Variants in COMMD10 observed in about 807,000 individuals in gnomAD.
COMMD10 encodes COMM domain containing 10.
A neutral mutation model predicts 28.9 loss-of-function variants in COMMD10; 33 were observed. The observed-to-expected ratio is 1.14, with a 90% confidence interval of 0.87 to 1.53. The LOEUF (loss-of-function observed/expected upper bound fraction) is 1.53, where lower values mean the gene tolerates loss of function less well. Among genes scored for constraint, COMMD10 ranks in the 40% most tolerant of loss-of-function variants. The probability of loss-of-function intolerance (pLI) is 0.00; values close to 1 mark genes in which losing one functional copy is unlikely to be tolerated. For missense variants in COMMD10, 310 were observed against 233.4 expected, an observed-to-expected ratio of 1.33 and a Z score of -2.14; for synonymous variants, 110 against 81.7, an observed-to-expected ratio of 1.35 and a Z score of -1.87.
In COMMD10 at chr5:116,122,963, C is replaced by T. The variant is rs535372844; in HGVS notation, c.400-11105C>T. On this transcript the variant is annotated intron_variant, in intron 4 of 6. Coordinates refer to ENST00000274458, the MANE Select transcript of COMMD10 (RefSeq NM_016144.4). ...CTTCCTCTTTTCCTAACTGAATACC[C>T]TTTATTTCTTTCTCTTGCCTGCTTG... 3.3e-5 allele frequency among the ~76,000 whole-genome samples: 5 copies of T among 152,078 alleles called. No homozygotes were observed. The South Asian group carries it at 1.0e-3, about 32-fold the overall frequency.
chr5:116,202,753 T>A (rs1453633243), intron 5 of COMMD10, among the ~76,000 whole-genome samples: 2 of 151,190 alleles, frequency 1.3e-5, no homozygotes, highest in East Asian at 3.9e-4. Context: ...TTCTTGTAAA[T>A]TTGTTTGAGT....
intron 4 of COMMD10, among the ~76,000 whole-genome samples, chr5:116,118,210 T>C (rs79956177): frequency 0.054 from 8,205 of 152,298 alleles, 315 homozygotes; most frequent in African/African-American, 0.11. Flanking sequence ...TCCCTGATAG[T>C]GCCACCTCCT....
chr5:116,167,672 A>G (rs1194419160), intron 5 of COMMD10, among the ~76,000 whole-genome samples: 4 of 152,180 alleles, frequency 2.6e-5, no homozygotes. Flanking sequence ...AGTGGGGGCC[A>G]ATATTCAACA....
chr5:116,190,277 T>A (rs1748318173), intron 5 of COMMD10, among the ~76,000 whole-genome samples: 1 of 152,156 alleles, frequency 6.6e-6, no homozygotes, highest in Middle Eastern at 3.2e-3. Context: ...TATGAAACTT[T>A]TATAATTAGG....
At position 116,102,811 on chromosome 5, in the gene COMMD10, C is replaced by T. The variant is rs1484599899; in HGVS notation, c.399+10111C>T. Among the ~76,000 whole-genome samples the T allele has an allele frequency of 3.3e-5, 5 of 152,110 alleles. No homozygotes were observed. In the East Asian group the frequency reaches 5.8e-4, roughly 18 times the overall value. On this transcript the variant is annotated intron_variant, in intron 4 of 6. Transcript: ENST00000274458. ...AGGTATTTCTCCTAATGCTATCCCTCCACCAGCCCCCCACACCCTGACAGG... is the reference window on the plus strand; with the variant it reads ...AGGTATTTCTCCTAATGCTATCCCTTCACCAGCCCCCCACACCCTGACAGG...
At chr5:116,150,316 C>G (rs1431290825) in intron 5 of COMMD10, among the ~76,000 whole-genome samples, 1 of 152,044 alleles carries the variant, frequency 6.6e-6, no homozygotes, top group Non-Finnish European at 1.5e-5. Flanking sequence ...TTTCTTTTTG[C>G]TTAGGATTGA....
At chr5:116,115,887 T>C (rs1297061917) in intron 4 of COMMD10, among the ~76,000 whole-genome samples, 2 of 152,208 alleles carry the variant, frequency 1.3e-5, no homozygotes, top group Non-Finnish European at 2.9e-5. Flanking sequence ...CTGAGTATCT[T>C]GCTCTTTAAA....
intron 4 of COMMD10, among the ~76,000 whole-genome samples, chr5:116,116,869 G>A (rs942008588): frequency 2.6e-5 from 4 of 152,040 alleles, no homozygotes; most frequent in Non-Finnish European, 4.4e-5. Flanking sequence ...TAATTTAATT[G>A]TTCAGTCTGA....
chr5:116,195,767 G>T (rs372018474), intron 5 of COMMD10, among the ~76,000 whole-genome samples: 1 of 152,032 alleles, frequency 6.6e-6, no homozygotes, highest in Non-Finnish European at 1.5e-5. Flanking sequence ...CAAAAAGTGG[G>T]CTAAAGACAT....
chr5:116,098,916 CA>C (rs1456161469), intron 4 of COMMD10, among the ~76,000 whole-genome samples: 2 of 152,140 alleles, frequency 1.3e-5, no homozygotes, highest in Admixed American at 1.3e-4. Flanking sequence ...TTACCATAAT[CA>C]AATTAATCAA....
intron 5 of COMMD10, among the ~76,000 whole-genome samples, chr5:116,288,164 A>G (rs1029221670): frequency 1.1e-4 from 17 of 151,790 alleles, no homozygotes; most frequent in Admixed American, 5.9e-4. Context: ...GAAAATGTTA[A>G]TTTCTTCTTC....
intron 4 of COMMD10, among the ~76,000 whole-genome samples, chr5:116,093,129 A>G (rs967673434): frequency 1.3e-4 from 20 of 152,226 alleles, no homozygotes; most frequent in African/African-American, 4.6e-4. Context: ...TAGATTTTAC[A>G]GTAGTGCAAA....
intron 5 of COMMD10, among the ~76,000 whole-genome samples, chr5:116,240,881 G>T (rs1488528172): frequency 6.6e-6 from 1 of 152,126 alleles, no homozygotes; most frequent in Non-Finnish European, 1.5e-5. Flanking sequence ...TAAACTGCTG[G>T]CTCCTCAAAA....
At chr5:116,290,757 A>C (rs1393419430) in intron 5 of COMMD10, among the ~76,000 whole-genome samples, 1 of 149,792 alleles carries the variant, frequency 6.7e-6, no homozygotes, top group Non-Finnish European at 1.5e-5. Context: ...GACCTTGAGT[A>C]AAATAAACAC....
rs1648872497 is a variant in COMMD10, at chr5:116,287,148, A to G, written c.511-4369A>G. The stretch of plus-strand genomic sequence containing the variant: ...ATTTTGTTCAGTGTCCTTTTATCAT[A>G]ATGTTGAGGGAAAAAATGGCTTTGT... On this transcript the variant is annotated intron_variant, in intron 5 of 6. Transcript: ENST00000274458. Among the ~76,000 whole-genome samples, 3 of 151,742 alleles carry G rather than the reference A, an allele frequency of 2.0e-5. No individual in the cohort carries two copies. The South Asian group carries it at 6.2e-4, about 31-fold the overall frequency.
intron 5 of COMMD10, among the ~76,000 whole-genome samples, chr5:116,134,680 G>A (rs1751973446): frequency 1.3e-5 from 2 of 152,130 alleles, no homozygotes; most frequent in African/African-American, 4.8e-5. Flanking sequence ...GAGTGCAGTG[G>A]CGCGATCTCG....
intron 4 of COMMD10, among the ~76,000 whole-genome samples, chr5:116,096,981 T>C (rs768708879): frequency 6.6e-6 from 1 of 152,146 alleles, no homozygotes; most frequent in Non-Finnish European, 1.5e-5. Flanking sequence ...CAGTCCGTTT[T>C]TTTCCTTGCA....
At chr5:116,121,968 C>A (rs1384114654) in intron 4 of COMMD10, among the ~76,000 whole-genome samples, 1 of 152,170 alleles carries the variant, frequency 6.6e-6, no homozygotes, top group East Asian at 1.9e-4. Flanking sequence ...TTTTGTCATG[C>A]AGAAGCTCTT....
intron 4 of COMMD10, among the ~76,000 whole-genome samples, chr5:116,124,262 C>T (rs558898297): frequency 2.0e-4 from 31 of 152,202 alleles, no homozygotes; most frequent in African/African-American, 6.7e-4. Flanking sequence ...GATTCTGGTA[C>T]ATTGTGTCTT....
Sources: allele counts gnomAD v4.1 joint callset (sites outside exome capture counted in the v4.1 genomes callset), GRCh38; gene constraint gnomAD v4.1.1; transcripts MANE v1.5; gene names NCBI Gene and HGNC (gene_info 2026-07-23, HGNC 2026-07-21).